KIAA1217: variants seen among roughly 807,000 people sequenced by gnomAD.
KIAA1217 encodes KIAA1217.
KIAA1217 carries 88 observed loss-of-function variants against 163.9 expected under a neutral mutation model. The observed-to-expected ratio is 0.54, with a 90% confidence interval of 0.45 to 0.64. The LOEUF (loss-of-function observed/expected upper bound fraction) is 0.64, where lower values mean the gene tolerates loss of function less well. KIAA1217 is among the 30% of genes least tolerant of loss of function. The pLI, the probability that KIAA1217 is intolerant of heterozygous loss-of-function variation, is 0.00. For missense variants in KIAA1217, 2,372 were observed against 2,475.0 expected (o/e 0.96, Z 0.88); for synonymous variants, 903 against 923.1 (o/e 0.98, Z 0.39).
chr10:24,140,436 C>T (rs1033568462), intron 2 of KIAA1217, among the ~76,000 whole-genome samples: 2 of 151,936 alleles, frequency 1.3e-5, no homozygotes, highest in Non-Finnish European at 2.9e-5. Context: ...TTTTCCTGCC[C>T]TTTAGGGCCA....
intron 1 of KIAA1217, among the ~76,000 whole-genome samples, chr10:23,786,981 A>G (rs993186013): frequency 2.0e-5 from 3 of 152,206 alleles, no homozygotes; most frequent in African/African-American, 4.8e-5. Context: ...TTTCTGTTTT[A>G]TGGACATTTT....
At chr10:23,966,883 T>C (rs918626263) in intron 1 of KIAA1217, among the ~76,000 whole-genome samples, 1 of 152,200 alleles carries the variant, frequency 6.6e-6, no homozygotes, top group African/African-American at 2.4e-5. Context: ...TTGGTTTTAA[T>C]CTCTGCAATA....
intron 1 of KIAA1217, among the ~76,000 whole-genome samples, chr10:23,704,760 A>T: frequency 6.6e-6 from 1 of 152,162 alleles, no homozygotes; most frequent in East Asian, 1.9e-4. Flanking sequence ...TAATGCTGCT[A>T]TAAAGACTAA....
intron 1 of KIAA1217, among the ~76,000 whole-genome samples, chr10:23,723,420 C>T (rs1264163139): frequency 6.6e-6 from 1 of 152,010 alleles, no homozygotes; most frequent in African/African-American, 2.4e-5. Flanking sequence ...AAAAAAATCA[C>T]CTTATTAGAG....
At chr10:23,818,074 C>CACAA (rs1837426573) in intron 1 of KIAA1217, among the ~76,000 whole-genome samples, 1 of 129,390 alleles carries the variant, frequency 7.7e-6, no homozygotes, top group African/African-American at 3.2e-5. Flanking sequence ...TATATATACA[C>CACAA]ACACACATAT....
chr10:24,357,933 G>T (rs2049334062), intron 2 of KIAA1217, among the ~76,000 whole-genome samples: 1 of 152,100 alleles, frequency 6.6e-6, no homozygotes, highest in Admixed American at 6.6e-5. Flanking sequence ...AAGTGTGCAG[G>T]CTTGCTTGAG....
rs867806756 is a variant in KIAA1217, at chr10:24,531,871, G to A, written c.3124G>A (p.Gly1042Arg). The A allele has an allele frequency of 6.2e-7, 1 of 1,607,518 alleles. No individual in the cohort carries two copies. The highest frequency in any genetic ancestry group is 8.5e-7 in the Non-Finnish European group (1 of 1,176,244). The change falls in exon 15 of 21, where the codon GGA becomes AGA. Residue 1042 changes from glycine (G) to arginine (R), a missense_variant. This residue lies in a region of KIAA1217 where 1,431 missense variants were observed against 1,470.3 expected (regional missense o/e 0.97). Coordinates refer to ENST00000376454, the MANE Select transcript of KIAA1217 (RefSeq NM_019590.5). ...GGAACAGGACTTGGAAAAGCTGGGG[G>A]GAAAGTCGCCCCCTCCTCCTCCGCC... ...NSEQDLEKLG[G>R]KSPPPPPPPP...
At chr10:24,170,754 T>A (rs929119147) in intron 2 of KIAA1217, among the ~76,000 whole-genome samples, 11 of 152,200 alleles carry the variant, frequency 7.2e-5, no homozygotes, top group African/African-American at 1.2e-4. Context: ...TCCAAATAAG[T>A]GCCCTATAAA....
chr10:24,237,999 C>A (rs1296834554), intron 2 of KIAA1217, among the ~76,000 whole-genome samples: 1 of 152,088 alleles, frequency 6.6e-6, no homozygotes, highest in South Asian at 2.1e-4. Flanking sequence ...GTTTTTTTAA[C>A]CTATGATTGC....
chr10:24,525,413 C>CGAG (rs930816012), intron 13 of KIAA1217, among the ~76,000 whole-genome samples: 1 of 152,064 alleles, frequency 6.6e-6, no homozygotes, highest in African/African-American at 2.4e-5. Flanking sequence ...GGAACAAGAA[C>CGAG]GAGGACCTAA....
intron 1 of KIAA1217, among the ~76,000 whole-genome samples, chr10:23,775,447 G>A (rs1461056818): frequency 1.3e-5 from 2 of 152,078 alleles, no homozygotes; most frequent in Admixed American, 1.3e-4. Flanking sequence ...TTCAGTTTCA[G>A]GTACCCTAAG....
At chr10:23,720,817 T>C (rs1022335121) in intron 1 of KIAA1217, among the ~76,000 whole-genome samples, 10 of 152,118 alleles carry the variant, frequency 6.6e-5, no homozygotes, top group African/African-American at 2.4e-4. Context: ...TCAATGTAGG[T>C]ATATTAACTA....
intron 2 of KIAA1217, among the ~76,000 whole-genome samples, chr10:24,379,668 A>G (rs540679591): frequency 8.5e-5 from 13 of 152,314 alleles, no homozygotes; most frequent in Non-Finnish European, 1.8e-4. Flanking sequence ...CTAGAGTATC[A>G]GGCACACCTT....
At position 24,547,417 on chromosome 10, in the gene KIAA1217, A is replaced by G. The variant is rs1357726935; in HGVS notation, c.*1093A>G. On this transcript the variant is annotated 3_prime_UTR_variant, in exon 21 of 21. Coordinates refer to ENST00000376454, the MANE Select transcript of KIAA1217 (RefSeq NM_019590.5). ...TTTTGTAAATAAATGTATTTGTATA[A>G]CACAGTCATGTAATATACAGAACTA... The G allele has an allele frequency of 1.3e-5, 2 of 152,672 alleles. No homozygotes were observed. Among genetic ancestry groups the G allele is most frequent in the Non-Finnish European group, 2.9e-5 (2 of 68,054 alleles). 9.5% of individuals were successfully genotyped at this position (152,672 alleles called of 1,614,324 possible).
chr10:24,460,648 C>T (rs1031313061), intron 5 of KIAA1217, among the ~76,000 whole-genome samples: 3 of 152,144 alleles, frequency 2.0e-5, no homozygotes, highest in African/African-American at 7.2e-5. Flanking sequence ...CATCAGAAGT[C>T]ATCCATAACA....
At chr10:23,944,783 G>A (rs1462522684) in intron 1 of KIAA1217, among the ~76,000 whole-genome samples, 2 of 152,176 alleles carry the variant, frequency 1.3e-5, no homozygotes, top group African/African-American at 4.8e-5. Flanking sequence ...AACAAGCTGG[G>A]TGCAGTGGCT....
At chr10:23,810,781 T>A (rs11013721) in intron 1 of KIAA1217, among the ~76,000 whole-genome samples, 3,927 of 126,094 alleles carry the variant, frequency 0.031, 99 homozygotes, top group South Asian at 0.079. Flanking sequence ...ATATACTAAT[T>A]ACACTAATTA....
chr10:24,523,540 A>C (rs1434344126), intron 12 of KIAA1217, among the ~76,000 whole-genome samples: 1 of 152,208 alleles, frequency 6.6e-6, no homozygotes, highest in African/African-American at 2.4e-5. Flanking sequence ...ACTAAAAATT[A>C]GAGGTCAAGT....
At chr10:24,448,576 C>A (rs965803090) in intron 5 of KIAA1217, among the ~76,000 whole-genome samples, 1 of 152,150 alleles carries the variant, frequency 6.6e-6, no homozygotes, top group African/African-American at 2.4e-5. Context: ...TTTGTAGAGA[C>A]ACAGTCTCCC....
Sources: allele counts gnomAD v4.1 joint callset (sites outside exome capture counted in the v4.1 genomes callset), GRCh38; gene constraint gnomAD v4.1.1; regional missense constraint gnomAD v4.1.1; transcripts MANE v1.5; gene names NCBI Gene and HGNC (gene_info 2026-07-23, HGNC 2026-07-21).